FAT3: variants seen among roughly 807,000 people sequenced by gnomAD.
FAT3 encodes FAT atypical cadherin 3.
A neutral mutation model predicts 310.2 loss-of-function variants in FAT3; 95 were observed. The ratio of observed to expected loss-of-function variants is 0.31; its 90% CI spans 0.26 to 0.36. FAT3 has a LOEUF of 0.36. Ranked by LOEUF, FAT3 falls within the 10% of genes least tolerant of loss-of-function variation. The pLI, the probability that FAT3 is intolerant of heterozygous loss-of-function variation, is 1.00. For synonymous variants in FAT3, 2,314 were observed against 2,192.9 expected (o/e 1.06, Z -1.54); for missense variants, 5,408 against 5,715.6 (o/e 0.95, Z 1.74).
At chr11:92,727,436 A>C (rs1380021994) in intron 4 of FAT3, among the ~76,000 whole-genome samples, 8 of 137,584 alleles carry the variant, frequency 5.8e-5, no homozygotes, top group Non-Finnish European at 1.1e-4. Context: ...CTAGAATTTT[A>C]ATAATGCTTA....
intron 1 of FAT3, among the ~76,000 whole-genome samples, chr11:92,339,702 C>T (rs1565237796): frequency 6.6e-6 from 1 of 151,962 alleles, no homozygotes; most frequent in Non-Finnish European, 1.5e-5. Flanking sequence ...GAAATCAGGG[C>T]AGGGGAAGCC....
rs115624002 is a variant in FAT3, at chr11:92,713,293, T to G, written c.3669+15848T>G. Reference sequence around the variant, plus strand: ...ACTGCTTTTCTGTTCTCTCCTTGATTGTCATGCATTTCAATGGCATCCAGA... The same window carrying G: ...ACTGCTTTTCTGTTCTCTCCTTGATGGTCATGCATTTCAATGGCATCCAGA... On this transcript the variant is annotated intron_variant, in intron 4 of 27. Coordinates refer to ENST00000525166, the MANE Select transcript of FAT3 (RefSeq NM_001367949.2). Among the ~76,000 whole-genome samples, 252 of 152,318 alleles carry G rather than the reference T, an allele frequency of 1.7e-3. 3 individuals are homozygous for G. The highest frequency in any genetic ancestry group is 5.7e-3 in the African/African-American group (235 of 41,578).
chr11:92,606,273 G>C (rs567131901), intron 3 of FAT3, among the ~76,000 whole-genome samples: 1 of 152,170 alleles, frequency 6.6e-6, no homozygotes, highest in Admixed American at 6.5e-5. Flanking sequence ...AGAATTACTA[G>C]GGAGAAAATT....
intron 3 of FAT3, among the ~76,000 whole-genome samples, chr11:92,557,193 A>G (rs1955052452): frequency 1.3e-5 from 2 of 151,638 alleles, no homozygotes; most frequent in Non-Finnish European, 2.9e-5. Context: ...TTTATGGAGG[A>G]TGTTGACTCC....
chr11:92,279,747 A>T (rs148085270), intron 1 of FAT3, among the ~76,000 whole-genome samples: 1,733 of 152,256 alleles, frequency 0.011, 35 homozygotes, highest in African/African-American at 0.039. Flanking sequence ...GTTGCTGCTA[A>T]CAAGTCACCC....
chr11:92,866,997 A>ACACGCGGGT lies in FAT3; in HGVS notation c.11921_11929dup (p.Arg3974_Thr3976dup), dbSNP rs1189940182. 1.2e-6 allele frequency: 2 copies of ACACGCGGGT among 1,607,712 alleles called. No individual in the cohort carries two copies. Among genetic ancestry groups the ACACGCGGGT allele is most frequent in the Non-Finnish European group, 1.7e-6 (2 of 1,177,272 alleles). On this transcript the variant is annotated inframe_insertion, in exon 22 of 28. Coordinates refer to ENST00000525166, the MANE Select transcript of FAT3 (RefSeq NM_001367949.2). The stretch of plus-strand genomic sequence containing the variant: ...GCGGATAACATCCGCAGCCTGACTG[A>ACACGCGGGT]CACGCGGGTCACGCAGGTGCTCAGC...
intron 3 of FAT3, among the ~76,000 whole-genome samples, chr11:92,620,623 C>A (rs1411073819): frequency 6.6e-6 from 1 of 152,050 alleles, no homozygotes; most frequent in East Asian, 1.9e-4. Context: ...TAAGTACATT[C>A]TCATTCACAC....
intron 4 of FAT3, chr11:92,749,015 C>T (rs1314731095): frequency 6.6e-6 from 1 of 152,168 alleles, no homozygotes; most frequent in East Asian, 1.9e-4. Flanking sequence ...CCAGCCTCAA[C>T]CTTTATAACA....
At chr11:92,382,005 A>C (rs1185857397) in intron 2 of FAT3, among the ~76,000 whole-genome samples, 1 of 152,108 alleles carries the variant, frequency 6.6e-6, no homozygotes, top group East Asian at 1.9e-4. Flanking sequence ...TTACTTTCAG[A>C]GGGCTAAATC....
rs182427205 is a variant in FAT3 at position 92,867,003 on chromosome 11, G to T, written c.11921G>T (p.Arg3974Leu). 6.2e-7 allele frequency: 1 copy of T among 1,603,424 alleles called. No homozygotes were observed. The highest frequency in any genetic ancestry group is 1.7e-4 in the Middle Eastern group (1 of 6,044). ...AACATCCGCAGCCTGACTGACACGC[G>T]GGTCACGCAGGTGCTCAGCGGCTTC... ...ADNIRSLTDT[R>L]VTQVLSGFQG... Residue 3974 changes from arginine to leucine, a missense_variant, in exon 22 of 28, where the codon CGG becomes CTG. This residue lies in a region of FAT3 where 4,588 missense variants were observed against 4,809.8 expected (regional missense o/e 0.95). Coordinates refer to ENST00000525166, the MANE Select transcript of FAT3 (RefSeq NM_001367949.2).
rs1038623174 is a variant in FAT3, at chr11:92,844,252, G to A, written c.10885G>A (p.Val3629Ile). The change falls in exon 19 of 28, where the codon GTA (valine) becomes ATA (isoleucine). Residue 3629 changes from valine (V) to isoleucine (I), a missense_variant. Val to Ile is a conservative substitution (Grantham distance 29). Transcript: ENST00000525166. ...GTCTGTGAGTGATGGTCGCTTCCAG[G>A]TACCCATTGATGTGGTCGTGCATGT... ...NVSVSDGRFQ[V>I]PIDVVVHVEQ... 2.5e-6 allele frequency: 4 copies of A among 1,613,870 alleles called. No homozygotes were observed. The African/African-American group carries it at 4.0e-5, about 16-fold the overall frequency.
chr11:92,723,892 A>G (rs1335276859), intron 4 of FAT3, among the ~76,000 whole-genome samples: 1 of 152,150 alleles, frequency 6.6e-6, no homozygotes, highest in Non-Finnish European at 1.5e-5. Context: ...ATTCAAGATG[A>G]GATTTGGGTG....
chr11:92,774,321 C>T (rs1946539686), intron 7 of FAT3, 141 bp downstream of exon 7: 1 of 977,494 alleles, frequency 1.0e-6, no homozygotes, highest in East Asian at 2.7e-5. Flanking sequence ...TTTTCAAGAA[C>T]AAGTGAGAAA....
intron 9 of FAT3, among the ~76,000 whole-genome samples, chr11:92,794,968 GT>G (rs1947132070): frequency 6.6e-6 from 1 of 152,158 alleles, no homozygotes. Flanking sequence ...AAAGTATTAT[GT>G]TTTATTTAAC....
chr11:92,503,738 G>A (rs1047428339), intron 2 of FAT3, among the ~76,000 whole-genome samples: 6 of 151,882 alleles, frequency 4.0e-5, no homozygotes, highest in Admixed American at 3.9e-4. Flanking sequence ...CACATGTCTG[G>A]TCTATTACAT....
At chr11:92,769,310 A>G (rs1244428184) in intron 6 of FAT3, among the ~76,000 whole-genome samples, 6 of 152,250 alleles carry the variant, frequency 3.9e-5, no homozygotes, top group Non-Finnish European at 5.9e-5. Context: ...AAACAGCCCA[A>G]CGCACAGCAT....
intron 2 of FAT3, among the ~76,000 whole-genome samples, chr11:92,448,436 T>C (rs932938092): frequency 2.0e-5 from 3 of 152,174 alleles, no homozygotes; most frequent in African/African-American, 2.4e-5. Context: ...TGTCATTAAA[T>C]TGTGGTCATG....
intron 3 of FAT3, among the ~76,000 whole-genome samples, chr11:92,640,720 A>G (rs916196702): frequency 6.6e-6 from 1 of 152,190 alleles, no homozygotes; most frequent in African/African-American, 2.4e-5. Context: ...AACTGTATAG[A>G]GTATTTAATG....
chr11:92,429,200 C>A (rs960232265), intron 2 of FAT3, among the ~76,000 whole-genome samples: 1 of 152,040 alleles, frequency 6.6e-6, no homozygotes, highest in African/African-American at 2.4e-5. Context: ...AGGATTGCAA[C>A]CCTTGCTTTT....
Sources: gnomAD v4.1 joint callset for allele counts (sites outside exome capture counted in the v4.1 genomes callset) on GRCh38, gnomAD v4.1.1 for gene constraint, gnomAD v4.1.1 regional missense constraint, MANE v1.5 for transcripts, NCBI Gene and HGNC (gene_info 2026-07-23, HGNC 2026-07-21) for gene names.